The following MYO16 variants were observed in gnomAD, a reference collection of about 807,000 sequenced individuals.
MYO16 encodes unconventional myosin-XVI.
In MYO16, 94 loss-of-function variants were observed where a neutral mutation model predicts 205.3. That is an observed-to-expected ratio of 0.46 (90% CI 0.39 to 0.54). MYO16 has a LOEUF of 0.54. MYO16 is among the 20% of genes least tolerant of loss of function. MYO16 has a pLI of 0.00. For synonymous variants in MYO16, 988 were observed against 954.0 expected (o/e 1.04, Z -0.66); for missense variants, 2,315 against 2,387.5 (o/e 0.97, Z 0.63).
chr13:108,526,146 G>A, the MYO16 span, among the ~76,000 whole-genome samples: 1 of 152,086 alleles, frequency 6.6e-6, no homozygotes, highest in Non-Finnish European at 1.5e-5. Flanking sequence ...AGCATATGTT[G>A]CAATTTTGGG....
At chr13:108,628,355 T>A (rs1298239440), upstream of MYO16, among the ~76,000 whole-genome samples, 1 of 152,218 alleles carries the variant, frequency 6.6e-6, no homozygotes, top group African/African-American at 2.4e-5. Context: ...ATTTGGTACA[T>A]ACATAAGTTT....
At chr13:108,899,507 C>T (rs896710553) in intron 15 of MYO16, among the ~76,000 whole-genome samples, 4 of 152,100 alleles carry the variant, frequency 2.6e-5, no homozygotes, top group Non-Finnish European at 4.4e-5. Context: ...AAAAGGAAAG[C>T]TATTCAATCA....
intron 4 of MYO16, among the ~76,000 whole-genome samples, chr13:108,733,883 G>A (rs1884603745): frequency 6.6e-6 from 1 of 152,264 alleles, no homozygotes; most frequent in South Asian, 2.1e-4. Context: ...GCAGGAGAAT[G>A]GTGTGAACAT....
chr13:108,923,274 G>A (rs1002777854), intron 16 of MYO16, among the ~76,000 whole-genome samples: 1 of 152,178 alleles, frequency 6.6e-6, no homozygotes, highest in Admixed American at 6.5e-5. Context: ...CTCAGAACAC[G>A]GTTGAAAACA....
intron 1 of MYO16, among the ~76,000 whole-genome samples, chr13:108,596,852 T>C (rs1878582092): frequency 6.6e-6 from 1 of 152,208 alleles, no homozygotes; most frequent in Admixed American, 6.5e-5. Context: ...TCACTACCAT[T>C]TGATAGAAGA....
At position 108,685,254 on chromosome 13, in the gene MYO16, C is replaced by T. The variant is rs148562090; in HGVS notation, c.292+19105C>T. Among the ~76,000 whole-genome samples the T allele has an allele frequency of 9.6e-3, 1,457 of 152,186 alleles. 29 individuals are homozygous for T. The highest frequency in any genetic ancestry group is 0.033 in the African/African-American group (1,390 of 41,518). On this transcript the variant is annotated intron_variant, in intron 2 of 34. Transcript: ENST00000457511. ...GCCAGGATGGTTTCGATCTCTTGAC[C>T]TCATGATCCACCTGCCTCGGCCTCC...
chr13:108,848,617 T>C (rs1020514758), intron 10 of MYO16, among the ~76,000 whole-genome samples: 1 of 151,928 alleles, frequency 6.6e-6, no homozygotes, highest in Non-Finnish European at 1.5e-5. Flanking sequence ...CCCGGCAACA[T>C]AGCAAAACCC....
chr13:108,946,485 A>G lies in MYO16; in HGVS notation c.1926-11203A>G, dbSNP rs115602940. ...TACATATGGAAACTTTGAAATACAT[A>G]TGGAAACTTCCAGGTATGTGTAAAC... On this transcript the variant is annotated intron_variant, in intron 16 of 34. Coordinates refer to ENST00000457511, the MANE Select transcript of MYO16 (RefSeq NM_001198950.3). Among the ~76,000 whole-genome samples, 899 of 152,344 alleles carry G rather than the reference A, an allele frequency of 5.9e-3. 6 individuals carry two copies. Among genetic ancestry groups the G allele is most frequent in the African/African-American group, 0.019 (807 of 41,572 alleles).
At chr13:108,688,031 C>G (rs1201742732) in intron 2 of MYO16, among the ~76,000 whole-genome samples, 1 of 152,178 alleles carries the variant, frequency 6.6e-6, no homozygotes, top group Non-Finnish European at 1.5e-5. Flanking sequence ...CTTTGAGTAT[C>G]TGAAGCATTT....
chr13:108,714,370 G>A (rs1444319890), intron 3 of MYO16, among the ~76,000 whole-genome samples: 1 of 152,088 alleles, frequency 6.6e-6, no homozygotes, highest in Non-Finnish European at 1.5e-5. Flanking sequence ...CCTGTTTTTC[G>A]GGAGGTCTAG....
intron 32 of MYO16, among the ~76,000 whole-genome samples, chr13:109,144,392 A>G (rs1877236670): frequency 6.6e-6 from 1 of 152,204 alleles, no homozygotes; most frequent in South Asian, 2.1e-4. Flanking sequence ...TGGATAGTTC[A>G]GGCCATTCTT....
At chr13:108,562,506 G>A in the MYO16 span, among the ~76,000 whole-genome samples, 2 of 152,100 alleles carry the variant, frequency 1.3e-5, no homozygotes, top group Non-Finnish European at 1.5e-5. Flanking sequence ...AGGTTTTAAG[G>A]ATGGCATATT....
the MYO16 span, among the ~76,000 whole-genome samples, chr13:108,551,745 A>T: frequency 1.3e-5 from 2 of 152,036 alleles, no homozygotes; most frequent in Non-Finnish European, 2.9e-5. Flanking sequence ...ATTTCTCTCA[A>T]CTTGTCTCTT....
At chr13:108,776,445 T>C (rs147742152) in intron 4 of MYO16, among the ~76,000 whole-genome samples, 368 of 152,298 alleles carry the variant, frequency 2.4e-3, no homozygotes, top group Non-Finnish European at 4.2e-3. Flanking sequence ...TTGGTATAGT[T>C]AGCTACCTAA....
chr13:108,652,095 G>T (rs1594177579), intron 1 of MYO16, among the ~76,000 whole-genome samples: 2 of 152,222 alleles, frequency 1.3e-5, no homozygotes, highest in South Asian at 2.1e-4. Context: ...AATGGATTCT[G>T]AGAATAAAAC....
In MYO16 at chr13:108,871,352, G is replaced by GTA. The variant is rs1380909474; in HGVS notation, c.1425+5111_1425+5112insAT. On this transcript the variant is annotated intron_variant, in intron 12 of 34. Transcript: ENST00000457511. ...TGTGTGTGTGTGTGTGTGTGTGTGT[G>GTA]TGTGTGTGTGTCTGTGTGTTGGTTT... 1.2e-4 allele frequency among the ~76,000 whole-genome samples: 18 copies of GTA among 150,914 alleles called. No homozygotes were observed. The East Asian group carries it at 3.5e-3, about 29-fold the overall frequency.
At chr13:108,991,361 T>C (rs1007661528) in intron 20 of MYO16, among the ~76,000 whole-genome samples, 1 of 152,208 alleles carries the variant, frequency 6.6e-6, no homozygotes, top group Non-Finnish European at 1.5e-5. Flanking sequence ...CCAAGAGTGA[T>C]AGTTCACATT....
At chr13:108,661,307 C>A (rs1321011922) in intron 1 of MYO16, among the ~76,000 whole-genome samples, 2 of 152,056 alleles carry the variant, frequency 1.3e-5, no homozygotes, top group African/African-American at 4.8e-5. Flanking sequence ...CTTTGTGCTT[C>A]TTCTATTTAG....
At chr13:108,754,852 A>G (rs1885370235) in intron 4 of MYO16, among the ~76,000 whole-genome samples, 1 of 152,138 alleles carries the variant, frequency 6.6e-6, no homozygotes, top group Non-Finnish European at 1.5e-5. Context: ...TTGGCATTAC[A>G]CTCTGCAATT....
Sources: gnomAD v4.1 joint callset for allele counts (sites outside exome capture counted in the v4.1 genomes callset) on GRCh38, gnomAD v4.1.1 for gene constraint, MANE v1.5 for transcripts, NCBI Gene and HGNC (gene_info 2026-07-23, HGNC 2026-07-21) for gene names.